Variants in WDPCP observed in about 807,000 individuals in gnomAD.
WDPCP encodes WD repeat-containing and planar cell polarity effector protein fritz homolog.
Under a neutral mutation model 93.1 loss-of-function variants are expected in WDPCP, and 71 were observed. The ratio of observed to expected loss-of-function variants is 0.76; its 90% CI spans 0.63 to 0.93. WDPCP has a LOEUF of 0.93. Ranked by LOEUF, WDPCP falls within the 40% of genes least tolerant of loss-of-function variation. The pLI, the probability that WDPCP is intolerant of heterozygous loss-of-function variation, is 0.00. For missense variants in WDPCP, 844 were observed against 887.4 expected, an observed-to-expected ratio of 0.95 and a Z score of 0.62; for synonymous variants, 315 against 315.0, an observed-to-expected ratio of 1.00 and a Z score of 0.00.
chr2:63,814,349 T>G (rs753617074), intron 1 of WDPCP, among the ~76,000 whole-genome samples: 1 of 152,150 alleles, frequency 6.6e-6, no homozygotes, highest in Non-Finnish European at 1.5e-5. Context: ...CTTTCCTGGT[T>G]TGAAAAAAAA....
chr2:63,634,622 AC>A (rs1709902536), intron 3 of WDPCP, among the ~76,000 whole-genome samples: 2 of 152,242 alleles, frequency 1.3e-5, no homozygotes, highest in Admixed American at 1.3e-4. Flanking sequence ...ATGTCAGGCT[AC>A]AAAACAAGTC....
intron 13 of WDPCP, among the ~76,000 whole-genome samples, chr2:63,270,865 G>C (rs1053566921): frequency 6.6e-6 from 1 of 152,174 alleles, no homozygotes; most frequent in Non-Finnish European, 1.5e-5. Flanking sequence ...CAGACAGGTA[G>C]TTTGCGCTGC....
At chr2:63,407,207 A>G (rs565440663) in intron 9 of WDPCP, among the ~76,000 whole-genome samples, 11 of 152,120 alleles carry the variant, frequency 7.2e-5, no homozygotes, top group Non-Finnish European at 1.6e-4. Flanking sequence ...TGAGCCATGC[A>G]GCCATGTGGG....
intron 12 of WDPCP, among the ~76,000 whole-genome samples, chr2:63,322,394 C>T (rs1687178664): frequency 6.6e-6 from 1 of 152,164 alleles, no homozygotes; most frequent in South Asian, 2.1e-4. Context: ...TTCTTTCGCT[C>T]TTCACAATAA....
Position 63,253,072 on chromosome 2 carries a change from G to C in WDPCP, c.1915+6235C>G, listed in dbSNP as rs1431723767. ...GTAGTAGTACAAAAACAGACACAGA[G>C]ACCAATGTAACAAAATAGAGAACAC... On this transcript the variant is annotated intron_variant, in intron 14 of 17. Coordinates refer to ENST00000272321, the MANE Select transcript of WDPCP (RefSeq NM_015910.7). Among the ~76,000 whole-genome samples the C allele has an allele frequency of 2.0e-5, 3 of 152,146 alleles. No individual in the cohort carries two copies. In the East Asian group the frequency reaches 5.8e-4, roughly 29 times the overall value.
chr2:63,189,176 A>C (rs1406845406), intron 14 of WDPCP, among the ~76,000 whole-genome samples: 2 of 152,164 alleles, frequency 1.3e-5, no homozygotes, highest in African/African-American at 4.8e-5. Flanking sequence ...TAACATGCTA[A>C]GGCATTAACC....
chr2:63,142,859 T>A (rs1298100888), intron 17 of WDPCP, among the ~76,000 whole-genome samples: 2 of 151,316 alleles, frequency 1.3e-5, no homozygotes, highest in African/African-American at 4.9e-5. Flanking sequence ...TACACACATA[T>A]ATATACACAC....
intron 1 of WDPCP, among the ~76,000 whole-genome samples, chr2:63,565,320 T>C (rs1485867025): frequency 3.3e-5 from 5 of 152,220 alleles, no homozygotes; most frequent in African/African-American, 1.2e-4. Context: ...GAAAATTCAA[T>C]TCGCTTCAAT....
At chr2:63,541,800 T>G (rs1370328324) in intron 1 of WDPCP, among the ~76,000 whole-genome samples, 2 of 152,204 alleles carry the variant, frequency 1.3e-5, no homozygotes, top group African/African-American at 4.8e-5. Flanking sequence ...ACATTTTCAG[T>G]CAGCATGTAA....
At chr2:63,448,572 T>A (rs1350194907) in intron 6 of WDPCP, among the ~76,000 whole-genome samples, 1 of 152,154 alleles carries the variant, frequency 6.6e-6, no homozygotes, top group Non-Finnish European at 1.5e-5. Flanking sequence ...GTTAAATTGT[T>A]ACCATTATGT....
At chr2:63,140,535 G>T (rs1257510375) in intron 17 of WDPCP, among the ~76,000 whole-genome samples, 3 of 146,172 alleles carry the variant, frequency 2.1e-5, no homozygotes, top group Non-Finnish European at 4.5e-5. Flanking sequence ...CAACTCCTTG[G>T]TTAGGTATAT....
At chr2:63,394,055 C>T (rs1007683135) in intron 10 of WDPCP, among the ~76,000 whole-genome samples, 5 of 151,978 alleles carry the variant, frequency 3.3e-5, no homozygotes, top group Admixed American at 2.6e-4. Flanking sequence ...TGTGACAAAA[C>T]CAAACATTGA....
At position 63,826,759 on chromosome 2, in the gene WDPCP, A is replaced by G. The variant is rs186560558; in HGVS notation, n.222+863T>C. On this transcript the variant is annotated intron_variant and non_coding_transcript_variant, in intron 1 of 4. Coordinates refer to the WDPCP transcript ENST00000467687. Reference sequence around the variant, plus strand: ...GTTCACCAAATAGCATCCCTCTTCTACTCTTTAAAAAATAAATGCTATACA... The same window carrying G: ...GTTCACCAAATAGCATCCCTCTTCTGCTCTTTAAAAAATAAATGCTATACA... Among the ~76,000 whole-genome samples the G allele has an allele frequency of 3.3e-5, 5 of 152,230 alleles. No homozygotes were observed. In the East Asian group the frequency reaches 7.7e-4, roughly 24 times the overall value.
In WDPCP at chr2:63,529,347, G is replaced by A. The variant is rs184663418; in HGVS notation, c.76-36407C>T. Among the ~76,000 whole-genome samples, 325 of 152,270 alleles carry A rather than the reference G, an allele frequency of 2.1e-3. 7 individuals are homozygous for A. Among genetic ancestry groups the A allele is most frequent in the Admixed American group, 0.018 (273 of 15,296 alleles). On this transcript the variant is annotated intron_variant, in intron 1 of 17. Transcript: ENST00000272321. ...GCCCATTCAGTATGATATTGGCTGC[G>A]GGTTTGTTGTAAATAGCTTTTATTA...
chr2:63,295,778 G>GAACAAC (rs146176174), intron 13 of WDPCP, among the ~76,000 whole-genome samples: 63 of 149,188 alleles, frequency 4.2e-4, no homozygotes, highest in African/African-American at 1.3e-3. Flanking sequence ...AAAAATCTTC[G>GAACAAC]AACAACAACA....
chr2:63,797,944 AAAT>A (rs1206432410), intron 2 of WDPCP, among the ~76,000 whole-genome samples: 1 of 152,160 alleles, frequency 6.6e-6, no homozygotes, highest in African/African-American at 2.4e-5. Context: ...GAAAAGAAAC[AAAT>A]AACATACAAT....
intron 3 of WDPCP, among the ~76,000 whole-genome samples, chr2:63,623,459 C>A (rs991144057): frequency 6.6e-6 from 1 of 150,620 alleles, no homozygotes; most frequent in South Asian, 2.1e-4. Context: ...AAGACACATA[C>A]AGGCTCAAAA....
chr2:63,250,695 TTAAGA>T (rs1443687187), intron 14 of WDPCP, among the ~76,000 whole-genome samples: 4 of 152,176 alleles, frequency 2.6e-5, no homozygotes, highest in Non-Finnish European at 5.9e-5. Context: ...TTTGGAAATG[TTAAGA>T]TAAACAAACA....
At chr2:63,463,102 A>G (rs1699126287) in intron 6 of WDPCP, among the ~76,000 whole-genome samples, 1 of 151,956 alleles carries the variant, frequency 6.6e-6, no homozygotes, top group Non-Finnish European at 1.5e-5. Flanking sequence ...AAGACGGGGG[A>G]AAGGAACACG....
Sources: allele counts gnomAD v4.1 joint callset (sites outside exome capture counted in the v4.1 genomes callset), GRCh38; gene constraint gnomAD v4.1.1; transcripts MANE v1.5; gene names NCBI Gene and HGNC (gene_info 2026-07-23, HGNC 2026-07-21).